The following COL4A1 variants were observed in gnomAD, a reference collection of about 807,000 sequenced individuals.
The protein encoded by COL4A1 is collagen alpha-1(IV) chain.
In COL4A1, 40 loss-of-function variants were observed where a neutral mutation model predicts 216.6. The ratio of observed to expected loss-of-function variants is 0.18; its 90% CI spans 0.14 to 0.24. COL4A1 has a LOEUF of 0.24. COL4A1 is among the 10% of genes least tolerant of loss of function. The pLI is 1.00. For missense variants in COL4A1, 1,628 were observed against 2,196.8 expected, an observed-to-expected ratio of 0.74 and a Z score of 5.18; for synonymous variants, 839 against 810.7, an observed-to-expected ratio of 1.03 and a Z score of -0.59.
At chr13:110,242,828 A>G in intron 1 of COL4A1, 94 bp from the exon 2 acceptor site, 3 of 1,359,334 alleles carry the variant, frequency 2.2e-6, no homozygotes, top group Non-Finnish European at 3.1e-6. Context: ...TGACTTGTTT[A>G]TGAGCGAAGC....
At chr13:110,178,259 T>C (rs1877976531) in intron 31 of COL4A1, 28 bp from the exon 32 acceptor site, 15 of 1,612,632 alleles carry the variant, frequency 9.3e-6, no homozygotes, top group Non-Finnish European at 1.2e-5. Flanking sequence ...ACAAATAACT[T>C]TTAGCAGAAT....
At chr13:110,186,017 G>A (rs918842203) in intron 26 of COL4A1, among the ~76,000 whole-genome samples, 6 of 152,160 alleles carry the variant, frequency 3.9e-5, no homozygotes, top group Admixed American at 6.5e-5. Context: ...CACACCACTC[G>A]GGATGCACAG....
chr13:110,245,738 C>T (rs982020101), intron 1 of COL4A1, among the ~76,000 whole-genome samples: 1 of 152,186 alleles, frequency 6.6e-6, no homozygotes. Context: ...AGATAAGAGG[C>T]TGCAAGGCTG....
chr13:110,171,650 G>A (rs774551011), intron 41 of COL4A1, among the ~76,000 whole-genome samples: 17 of 152,224 alleles, frequency 1.1e-4, no homozygotes, highest in Non-Finnish European at 2.5e-4. Context: ...GTGGTCATTT[G>A]GGATTCTCTT....
intron 46 of COL4A1, 136 bp downstream of exon 46, chr13:110,164,726 G>T: frequency 7.6e-7 from 1 of 1,308,950 alleles, no homozygotes; most frequent in Non-Finnish European, 1.0e-6. Context: ...ATTGAAGGGA[G>T]GTAAGAAACT....
chr13:110,218,042 C>T (rs369086886), intron 2 of COL4A1, among the ~76,000 whole-genome samples: 3 of 152,146 alleles, frequency 2.0e-5, no homozygotes, highest in African/African-American at 2.4e-5. Flanking sequence ...AATAAGCTTC[C>T]GTCATAGCTA....
At chr13:110,270,267 A>G (rs1883198114) in intron 1 of COL4A1, among the ~76,000 whole-genome samples, 1 of 152,206 alleles carries the variant, frequency 6.6e-6, no homozygotes, top group Non-Finnish European at 1.5e-5. Context: ...CTTGATAAAT[A>G]TTGTTTTTAG....
chr13:110,162,972 C>T (rs1162147465), intron 47 of COL4A1, among the ~76,000 whole-genome samples: 2 of 152,236 alleles, frequency 1.3e-5, no homozygotes, highest in African/African-American at 4.8e-5. Context: ...GTGCCACGTG[C>T]CAAACTGTGC....
At chr13:110,218,047 T>C (rs1594591630) in intron 2 of COL4A1, among the ~76,000 whole-genome samples, 1 of 152,218 alleles carries the variant, frequency 6.6e-6, no homozygotes, top group Non-Finnish European at 1.5e-5. Flanking sequence ...GCTTCCGTCA[T>C]AGCTAAGTCA....
intron 1 of COL4A1, among the ~76,000 whole-genome samples, chr13:110,256,196 C>T (rs1003471460): frequency 6.6e-6 from 1 of 152,046 alleles, no homozygotes; most frequent in Non-Finnish European, 1.5e-5. Context: ...TTAAGATGTT[C>T]AAGAGTTGTC....
At chr13:110,193,968 G>A in intron 22 of COL4A1, among the ~76,000 whole-genome samples, 1 of 152,200 alleles carries the variant, frequency 6.6e-6, no homozygotes, top group Non-Finnish European at 1.5e-5. Context: ...AAAGAGGAAT[G>A]GGAAGACTCG....
chr13:110,172,830 C>T, intron 40 of COL4A1, 60 bp from the exon 41 acceptor site: 1 of 1,366,664 alleles, frequency 7.3e-7, no homozygotes, highest in Non-Finnish European at 1.0e-6. Flanking sequence ...TCTGCAGGTA[C>T]AACACAAAGC....
In COL4A1 at chr13:110,253,200, A is replaced by G. The variant is rs11069837; in HGVS notation, c.85-10466T>C. Among the ~76,000 whole-genome samples the G allele has an allele frequency of 1.0e-3, 143 of 140,666 alleles. 3 individuals carry two copies. Among genetic ancestry groups the G allele is most frequent in the African/African-American group, 1.4e-3 (55 of 38,746 alleles). The allele number at this position is 140,666 out of a possible 152,430, so 92.3% of individuals were successfully genotyped here. A position where few individuals can be genotyped will look rare whatever the true frequency, so the allele number is the denominator to read the frequency against. ...ATGTACGTATGTATTATATATACAT[A>G]TAACTATATGTATGTATGTATTATA... is the stretch of plus-strand genomic sequence containing the variant. On this transcript the variant is annotated intron_variant, in intron 1 of 51. Coordinates refer to ENST00000375820, the MANE Select transcript of COL4A1 (RefSeq NM_001845.6).
intron 33 of COL4A1, 115 bp from the exon 34 acceptor site, chr13:110,177,152 A>G (rs1320993375): frequency 6.5e-7 from 1 of 1,535,232 alleles, no homozygotes; most frequent in Admixed American, 1.9e-5. Flanking sequence ...CAAAGCACTC[A>G]TAACTTGTCC....
At chr13:110,261,887 G>A (rs567319997) in intron 1 of COL4A1, among the ~76,000 whole-genome samples, 4 of 152,206 alleles carry the variant, frequency 2.6e-5, no homozygotes, top group East Asian at 1.9e-4. Flanking sequence ...GCTGTCCCCC[G>A]GTGACAGTGA....
At chr13:110,169,435 A>G (rs1877499378) in intron 43 of COL4A1, among the ~76,000 whole-genome samples, 194 bp downstream of exon 43, 1 of 145,272 alleles carries the variant, frequency 6.9e-6, no homozygotes, top group Non-Finnish European at 1.5e-5. Context: ...TGATGCCAAT[A>G]AAGATGTGGG....
chr13:110,277,527 C>T (rs1003771696), intron 1 of COL4A1, among the ~76,000 whole-genome samples: 1 of 152,166 alleles, frequency 6.6e-6, no homozygotes, highest in Non-Finnish European at 1.5e-5. Flanking sequence ...GTGTGTGGGA[C>T]CCACCTCCAG....
At chr13:110,204,321 T>G (rs1879389015) in intron 17 of COL4A1, among the ~76,000 whole-genome samples, 1 of 152,202 alleles carries the variant, frequency 6.6e-6, no homozygotes. Context: ...CTTATATGAA[T>G]ACCAGAAGAT....
At position 110,155,320 on chromosome 13, in the gene COL4A1, C is replaced by T; in HGVS notation, c.4718G>A (p.Gly1573Glu). 1 of 1,614,170 alleles carries T rather than the reference C, an allele frequency of 6.2e-7. No individual in the cohort carries two copies. The highest frequency in any genetic ancestry group is 8.5e-7 in the Non-Finnish European group (1 of 1,179,994). ...QTIQIPPCPS[G>E]WSSLWIGYSF... is the part of the protein sequence containing the mutation. ...GTAGCCGATCCACAGCGAGGACCAC[C>T]CGCTGGGGCACGGTGGGATCTGAAT... is the stretch of plus-strand genomic sequence containing the variant. The change falls in exon 50 of 52, where the codon GGG becomes GAG. Residue 1573 changes from glycine to glutamate, a missense_variant. By Grantham distance (98) the Gly-to-Glu change is moderately conservative (BLOSUM62 -2). Transcript: ENST00000375820.
Sources: gnomAD v4.1 joint callset for allele counts (sites outside exome capture counted in the v4.1 genomes callset) on GRCh38, gnomAD v4.1.1 for gene constraint, MANE v1.5 for transcripts, NCBI Gene and HGNC (gene_info 2026-07-23, HGNC 2026-07-21) for gene names.